The following KCNH7 variants were observed in gnomAD, a reference collection of about 807,000 sequenced individuals.
The protein encoded by KCNH7 is potassium voltage-gated channel subfamily H member 7, also known as voltage-gated inwardly rectifying potassium channel KCNH7.
In KCNH7, 49 loss-of-function variants were observed where a neutral mutation model predicts 120.8. That is an observed-to-expected ratio of 0.41 (90% CI 0.32 to 0.51). The LOEUF (loss-of-function observed/expected upper bound fraction) is 0.51, where lower values mean the gene tolerates loss of function less well. KCNH7 is among the 20% of genes least tolerant of loss of function. The pLI is 0.38. For missense variants in KCNH7, 1,097 were observed against 1,446.6 expected (o/e 0.76, Z 3.92); for synonymous variants, 547 against 516.1 (o/e 1.06, Z -0.81).
At chr2:162,492,179 A>G (rs928655949) in intron 6 of KCNH7, among the ~76,000 whole-genome samples, 2 of 152,190 alleles carry the variant, frequency 1.3e-5, no homozygotes, top group Non-Finnish European at 2.9e-5. Flanking sequence ...ATTAATGGAA[A>G]AAAGGATTTG....
chr2:162,559,866 G>A (rs1693001442), intron 2 of KCNH7, among the ~76,000 whole-genome samples: 1 of 152,144 alleles, frequency 6.6e-6, no homozygotes, highest in African/African-American at 2.4e-5. Context: ...TTTAATAGAT[G>A]GAGTTCTGAA....
chr2:162,451,553 G>T (rs1688770771), intron 6 of KCNH7, among the ~76,000 whole-genome samples: 1 of 151,948 alleles, frequency 6.6e-6, no homozygotes, highest in South Asian at 2.1e-4. Context: ...GTCAACTGGG[G>T]TAATTCAGTG....
chr2:162,752,760 G>A (rs1688599654), intron 2 of KCNH7, among the ~76,000 whole-genome samples: 1 of 150,922 alleles, frequency 6.6e-6, no homozygotes, highest in Non-Finnish European at 1.5e-5. Flanking sequence ...TTAGCCGGGT[G>A]TGATGGTGTG....
chr2:162,628,276 A>G (rs950401638), intron 2 of KCNH7, among the ~76,000 whole-genome samples: 6 of 152,162 alleles, frequency 3.9e-5, no homozygotes, highest in Non-Finnish European at 8.8e-5. Context: ...AGGAAATTTC[A>G]TCCTCTCCTT....
At chr2:162,667,316 C>T (rs908740171) in intron 2 of KCNH7, among the ~76,000 whole-genome samples, 5 of 152,102 alleles carry the variant, frequency 3.3e-5, no homozygotes, top group Middle Eastern at 3.2e-3. Context: ...CCACCATGCC[C>T]GGACTCCATC....
chr2:162,584,019 G>A (rs763840865), intron 2 of KCNH7, among the ~76,000 whole-genome samples: 3 of 152,106 alleles, frequency 2.0e-5, no homozygotes, highest in Non-Finnish European at 4.4e-5. Context: ...ATGTATACAT[G>A]TTCATAGTAA....
chr2:162,581,912 C>T (rs1437913361), intron 2 of KCNH7, among the ~76,000 whole-genome samples: 2 of 152,012 alleles, frequency 1.3e-5, no homozygotes, highest in Non-Finnish European at 2.9e-5. Context: ...TGATGAGATA[C>T]TCATGTTAAA....
At chr2:162,691,855 A>G (rs1686116712) in intron 2 of KCNH7, among the ~76,000 whole-genome samples, 1 of 152,186 alleles carries the variant, frequency 6.6e-6, no homozygotes, top group Non-Finnish European at 1.5e-5. Context: ...GATGATATCA[A>G]TCAATTGAAA....
intron 6 of KCNH7, among the ~76,000 whole-genome samples, chr2:162,485,827 T>A (rs1690077326): frequency 6.6e-6 from 1 of 152,204 alleles, no homozygotes; most frequent in African/African-American, 2.4e-5. Context: ...AACAGGATGG[T>A]ACAGCTCAAC....
chr2:162,382,976 A>C (rs1011192643), intron 13 of KCNH7, among the ~76,000 whole-genome samples: 1 of 152,012 alleles, frequency 6.6e-6, no homozygotes, highest in Non-Finnish European at 1.5e-5. Context: ...TTTAAAAATT[A>C]GAATATATAG....
At chr2:162,408,225 T>C (rs888136386) in intron 9 of KCNH7, among the ~76,000 whole-genome samples, 4 of 152,044 alleles carry the variant, frequency 2.6e-5, no homozygotes, top group African/African-American at 9.7e-5. Flanking sequence ...TATAGAAAAG[T>C]AATAAAGGAT....
chr2:162,582,383 G>T (rs1693900908), intron 2 of KCNH7, among the ~76,000 whole-genome samples: 1 of 152,072 alleles, frequency 6.6e-6, no homozygotes, highest in Admixed American at 6.6e-5. Context: ...TAACCCTTTA[G>T]TAGTAAGGAG....
Position 162,562,115 on chromosome 2 carries a change from C to T in KCNH7, c.308-25035G>A, listed in dbSNP as rs564558839. Among the ~76,000 whole-genome samples the T allele has an allele frequency of 5.9e-4, 89 of 152,126 alleles. 4 individuals are homozygous for T. In the South Asian group the frequency reaches 0.016, roughly 28 times the overall value. On this transcript the variant is annotated intron_variant, in intron 2 of 15. Transcript: ENST00000332142. Reference sequence around the variant, plus strand: ...TAGGAGAAATACCTAATGAAGATGACGGGTTGATGGGTGCAGCAAACCACC... The same window carrying T: ...TAGGAGAAATACCTAATGAAGATGATGGGTTGATGGGTGCAGCAAACCACC...
intron 5 of KCNH7, among the ~76,000 whole-genome samples, chr2:162,508,895 T>C (rs771470106): frequency 9.3e-5 from 14 of 151,186 alleles, no homozygotes; most frequent in Non-Finnish European, 1.9e-4. Context: ...TGGGCAGAAA[T>C]AGAGGGAAAT....
chr2:162,499,328 C>T (rs987128021), intron 6 of KCNH7, among the ~76,000 whole-genome samples: 2 of 151,984 alleles, frequency 1.3e-5, no homozygotes, highest in Non-Finnish European at 2.9e-5. Flanking sequence ...GTTCTCCGCC[C>T]AAATTTTCTT....
chr2:162,380,165 G>C, intron 13 of KCNH7, 144 bp from the exon 14 acceptor site: 2 of 913,200 alleles, frequency 2.2e-6, no homozygotes. Flanking sequence ...ATGTGTCCAG[G>C]GGCCACGGCC....
At chr2:162,475,733 G>A (rs1689714500) in intron 6 of KCNH7, among the ~76,000 whole-genome samples, 2 of 152,080 alleles carry the variant, frequency 1.3e-5, no homozygotes, top group Non-Finnish European at 2.9e-5. Flanking sequence ...AGTCCTTGAA[G>A]GCCCCCACCC....
chr2:162,671,785 C>T (rs12692655), intron 2 of KCNH7, among the ~76,000 whole-genome samples: 25,389 of 151,606 alleles, frequency 0.17, 2,458 homozygotes, highest in East Asian at 0.46. Flanking sequence ...AAGGACCAAG[C>T]AAATTGAATC....
intron 2 of KCNH7, among the ~76,000 whole-genome samples, chr2:162,835,758 C>A (rs997674483): frequency 1.3e-5 from 2 of 151,962 alleles, no homozygotes; most frequent in African/African-American, 2.4e-5. Context: ...CTATCTATTA[C>A]ATGTGTAATT....
Sources: gnomAD v4.1 joint callset for allele counts (sites outside exome capture counted in the v4.1 genomes callset) on GRCh38, gnomAD v4.1.1 for gene constraint, MANE v1.5 for transcripts, NCBI Gene and HGNC (gene_info 2026-07-23, HGNC 2026-07-21) for gene names.